CCDC192: variants seen among roughly 807,000 people sequenced by gnomAD.
CCDC192 encodes the protein coiled-coil domain containing 192.
intron 5 of CCDC192, among the ~76,000 whole-genome samples, chr5:127,800,391 A>AC (rs1437395692): frequency 7.2e-5 from 10 of 139,326 alleles, no homozygotes; most frequent in Admixed American, 2.9e-4. Flanking sequence ...AAAAAAAAAA[A>AC]AAAAAAAAAA....
At chr5:127,769,787 A>T (rs1409814515) in intron 3 of CCDC192, among the ~76,000 whole-genome samples, 1 of 152,180 alleles carries the variant, frequency 6.6e-6, no homozygotes, top group Non-Finnish European at 1.5e-5. Flanking sequence ...ATCAGAGGAA[A>T]CCTTGACAAG....
At chr5:127,930,016 T>G (rs1165888926) in intron 6 of CCDC192, among the ~76,000 whole-genome samples, 2 of 152,118 alleles carry the variant, frequency 1.3e-5, no homozygotes, top group Admixed American at 1.3e-4. Context: ...CCAGCCTGAC[T>G]GACATGATAA....
At chr5:127,843,133 C>G (rs945101174) in intron 5 of CCDC192, among the ~76,000 whole-genome samples, 3 of 134,088 alleles carry the variant, frequency 2.2e-5, no homozygotes, top group East Asian at 4.8e-4. Context: ...CTCCTGGATT[C>G]TCACCATTCT....
intron 3 of CCDC192, among the ~76,000 whole-genome samples, chr5:127,755,795 AT>A (rs34895757): frequency 0.77 from 113,584 of 147,966 alleles, 43,463 homozygotes; most frequent in East Asian, 0.89. Context: ...GGTATATAGG[AT>A]TTTTTTTTTT....
chr5:127,791,813 T>C (rs1756881464), intron 3 of CCDC192, among the ~76,000 whole-genome samples: 1 of 152,150 alleles, frequency 6.6e-6, no homozygotes, highest in Non-Finnish European at 1.5e-5. Context: ...AATCTTACAA[T>C]GTAAAGTATG....
In CCDC192 at chr5:127,895,261, C is replaced by G. The variant is rs141480621; in HGVS notation, c.535+19600C>G. Among the ~76,000 whole-genome samples the G allele has an allele frequency of 1.1e-4, 16 of 152,262 alleles. No individual in the cohort carries two copies. In the East Asian group the frequency reaches 2.5e-3, roughly 24 times the overall value. ...TGAGTTCTCTCCAGTTGCCCCATCT[C>G]CTATTACTCCTGATGGGATTACACA... On this transcript the variant is annotated intron_variant, in intron 6 of 6. Coordinates refer to ENST00000514853, the MANE Select transcript of CCDC192 (RefSeq NM_001317938.2).
intron 2 of CCDC192, among the ~76,000 whole-genome samples, chr5:127,752,762 G>A (rs1384177922): frequency 2.0e-5 from 3 of 152,206 alleles, no homozygotes; most frequent in Non-Finnish European, 4.4e-5. Flanking sequence ...AGCAGTCAGC[G>A]AGACTCCGTG....
chr5:127,703,507 G>T lies in CCDC192; in HGVS notation c.62G>T (p.Ser21Ile). ...VPESDTSERSSMTSGSSESDI... is the reference protein window; with the variant it reads ...VPESDTSERSIMTSGSSESDI... Reference sequence around the variant, plus strand: ...GAGTCTGACACCTCAGAGAGAAGCAGGTGAGTTCCCAGCTCCTCTCATCCC... The same window carrying T: ...GAGTCTGACACCTCAGAGAGAAGCATGTGAGTTCCCAGCTCCTCTCATCCC... Residue 21 changes from serine to isoleucine, a missense_variant and splice_region_variant, in exon 1 of 7, where the codon AGC becomes ATC. By Grantham distance (142) the Ser-to-Ile change is moderately radical. Transcript: ENST00000514853. The T allele has an allele frequency of 1.0e-5, 4 of 398,872 alleles. No homozygotes were observed. The highest frequency in any genetic ancestry group is 8.8e-6 in the Non-Finnish European group (2 of 226,000). 24.7% of individuals were successfully genotyped at this position (398,872 alleles called of 1,614,324 possible).
At chr5:127,727,244 C>T (rs906718222) in intron 2 of CCDC192, among the ~76,000 whole-genome samples, 4 of 152,086 alleles carry the variant, frequency 2.6e-5, no homozygotes, top group African/African-American at 4.8e-5. Context: ...GGCCACGAGG[C>T]AGACGATCTT....
intron 3 of CCDC192, among the ~76,000 whole-genome samples, chr5:127,761,652 C>T (rs1164764857): frequency 3.3e-5 from 5 of 152,088 alleles, no homozygotes; most frequent in Non-Finnish European, 1.5e-5. Flanking sequence ...GTTCTTGGGG[C>T]TCAGGTTTTC....
Position 127,896,173 on chromosome 5 carries a change from T to G in CCDC192, c.535+20512T>G, listed in dbSNP as rs1242301998. ...GTCACTTTCAGGTGGGTGTGGTGGCTCCCTCCTGCAATTCCAACACTTTGA... is the reference window on the plus strand; with the variant it reads ...GTCACTTTCAGGTGGGTGTGGTGGCGCCCTCCTGCAATTCCAACACTTTGA... On this transcript the variant is annotated intron_variant, in intron 6 of 6. Transcript: ENST00000514853. 7.2e-5 allele frequency among the ~76,000 whole-genome samples: 11 copies of G among 152,106 alleles called. No individual in the cohort carries two copies. In the East Asian group the frequency reaches 1.9e-3, roughly 27 times the overall value.
At chr5:127,715,261 A>G (rs1751564670) in intron 2 of CCDC192, among the ~76,000 whole-genome samples, 1 of 152,176 alleles carries the variant, frequency 6.6e-6, no homozygotes, top group South Asian at 2.1e-4. Flanking sequence ...TTTCAGGTTT[A>G]CATTTAAGTC....
intron 6 of CCDC192, among the ~76,000 whole-genome samples, chr5:127,916,231 T>C (rs941561254): frequency 3.3e-5 from 5 of 152,258 alleles, no homozygotes; most frequent in African/African-American, 1.2e-4. Flanking sequence ...GATTGCATGA[T>C]ACACATCTTT....
At chr5:127,778,799 G>A (rs1756019020) in intron 3 of CCDC192, among the ~76,000 whole-genome samples, 1 of 151,096 alleles carries the variant, frequency 6.6e-6, no homozygotes, top group African/African-American at 2.4e-5. Context: ...CTCTTTAATT[G>A]TTGTAGGTCA....
intron 5 of CCDC192, among the ~76,000 whole-genome samples, chr5:127,839,261 ATTCAAAGTCATGT>A (rs1252446984): frequency 4.6e-5 from 7 of 152,246 alleles, no homozygotes; most frequent in Non-Finnish European, 8.8e-5. Context: ...GTAGATGACC[ATTCAAAGTCATGT>A]TATCACAGAA....
At chr5:127,718,969 G>C (rs1456702671) in intron 2 of CCDC192, among the ~76,000 whole-genome samples, 2 of 151,822 alleles carry the variant, frequency 1.3e-5, no homozygotes, top group African/African-American at 2.4e-5. Flanking sequence ...TACTCACCCT[G>C]TTGTGCTATC....
Position 127,752,153 on chromosome 5 carries a change from G to A in CCDC192, c.115-2115G>A, listed in dbSNP as rs1022390958. ...CTCCATCCAGCTTTGTTCCGTTGCT[G>A]GTGAGGAGCTGCATTCCTTTGGAGG... is the stretch of plus-strand genomic sequence containing the variant. On this transcript the variant is annotated intron_variant, in intron 2 of 6. Coordinates refer to ENST00000514853, the MANE Select transcript of CCDC192 (RefSeq NM_001317938.2). Among the ~76,000 whole-genome samples the A allele has an allele frequency of 7.2e-5, 11 of 152,306 alleles. 1 individual carries two copies. In the South Asian group the frequency reaches 1.0e-3, roughly 14 times the overall value.
chr5:127,873,704 G>A, intron 5 of CCDC192, among the ~76,000 whole-genome samples: 1 of 151,952 alleles, frequency 6.6e-6, no homozygotes, highest in Admixed American at 6.6e-5. Flanking sequence ...GTTCTAAATT[G>A]TAAAAAGAAA....
rs1002869084 is a variant in CCDC192 at position 127,846,213 on chromosome 5, C to T, written c.412-29325C>T. Reference sequence around the variant, plus strand: ...CTAAGGCAGAAGAATTCCTTGAACCCGGGAGGCGGAGGTTGCAGTGAGCCA... The same window carrying T: ...CTAAGGCAGAAGAATTCCTTGAACCTGGGAGGCGGAGGTTGCAGTGAGCCA... On this transcript the variant is annotated intron_variant, in intron 5 of 6. Coordinates refer to ENST00000514853, the MANE Select transcript of CCDC192 (RefSeq NM_001317938.2). Among the ~76,000 whole-genome samples the T allele has an allele frequency of 1.5e-3, 229 of 151,044 alleles. 3 individuals carry two copies. Among genetic ancestry groups the T allele is most frequent in the Admixed American group, 9.9e-4 (15 of 15,104 alleles).
Sources: allele counts gnomAD v4.1 joint callset (sites outside exome capture counted in the v4.1 genomes callset), GRCh38; gene constraint gnomAD v4.1.1; transcripts MANE v1.5; gene names NCBI Gene and HGNC (gene_info 2026-07-23, HGNC 2026-07-21).